PPFIA2: variants seen among roughly 807,000 people sequenced by gnomAD.
PPFIA2 encodes the protein PPFI scaffold protein A2, also known as liprin-alpha-2.
PPFIA2 carries 46 observed loss-of-function variants against 175.5 expected under a neutral mutation model. The ratio of observed to expected loss-of-function variants is 0.26; its 90% CI spans 0.21 to 0.34. The LOEUF is 0.34. Among genes scored for constraint, PPFIA2 ranks in the 10% least tolerant of loss-of-function variants. The pLI, the probability that PPFIA2 is intolerant of heterozygous loss-of-function variation, is 1.00. For synonymous variants in PPFIA2, 568 were observed against 511.4 expected (o/e 1.11, Z -1.49); for missense variants, 1,179 against 1,506.1 (o/e 0.78, Z 3.60).
intron 17 of PPFIA2, among the ~76,000 whole-genome samples, chr12:81,348,214 C>T (rs542320391): frequency 2.0e-5 from 3 of 151,994 alleles, no homozygotes; most frequent in African/African-American, 7.2e-5. Flanking sequence ...TGTAAATATC[C>T]CTCTTAAGAT....
At chr12:81,288,882 C>A (rs550869306) in intron 24 of PPFIA2, among the ~76,000 whole-genome samples, 1 of 151,726 alleles carries the variant, frequency 6.6e-6, no homozygotes, top group South Asian at 2.1e-4. Context: ...TTATACCACA[C>A]CCTCTTTTCA....
intron 14 of PPFIA2, among the ~76,000 whole-genome samples, chr12:81,365,472 G>GTTATCAAAAACCCAACCCACAAA (rs2032893325): frequency 6.6e-6 from 1 of 151,706 alleles, no homozygotes; most frequent in Non-Finnish European, 1.5e-5. Flanking sequence ...GGTAGGTGGT[G>GTTATCAAAAACCCAACCCACAAA]GGGGAGTGGG....
chr12:81,358,316 C>T, intron 15 of PPFIA2, 99 bp from the exon 16 acceptor site: 1 of 1,171,294 alleles, frequency 8.5e-7, no homozygotes, highest in Non-Finnish European at 1.2e-6. Flanking sequence ...CAGAAATCCT[C>T]AAGGAAATAA....
At chr12:81,360,069 C>T (rs1003592157) in intron 15 of PPFIA2, among the ~76,000 whole-genome samples, 8 of 151,812 alleles carry the variant, frequency 5.3e-5, no homozygotes, top group African/African-American at 1.9e-4. Flanking sequence ...ATGTGGTTAA[C>T]AGTTTTAAGG....
At chr12:81,286,097 T>C (rs2043286686) in intron 24 of PPFIA2, among the ~76,000 whole-genome samples, 1 of 151,894 alleles carries the variant, frequency 6.6e-6, no homozygotes, top group African/African-American at 2.4e-5. Context: ...GGGGAAAAAA[T>C]AATGAAATAG....
intron 31 of PPFIA2, among the ~76,000 whole-genome samples, chr12:81,262,939 A>T (rs1337199337): frequency 2.0e-5 from 3 of 152,260 alleles, no homozygotes; most frequent in Non-Finnish European, 4.4e-5. Flanking sequence ...TGGGAATAGA[A>T]GACTAAAGAA....
chr12:81,286,400 T>C (rs747601401), intron 24 of PPFIA2, among the ~76,000 whole-genome samples: 2 of 152,030 alleles, frequency 1.3e-5, no homozygotes, highest in Non-Finnish European at 2.9e-5. Context: ...ACGTGTACCA[T>C]TTTTTATCTT....
At chr12:81,361,511 T>C (rs2030313705) in intron 15 of PPFIA2, among the ~76,000 whole-genome samples, 1 of 151,674 alleles carries the variant, frequency 6.6e-6, no homozygotes, top group African/African-American at 2.4e-5. Flanking sequence ...CCGAACTTTT[T>C]CTCATATTCA....
intron 4 of PPFIA2, among the ~76,000 whole-genome samples, chr12:81,628,532 A>G (rs577078554): frequency 1.6e-4 from 24 of 152,044 alleles, no homozygotes; most frequent in African/African-American, 5.3e-4. Flanking sequence ...ATGCACCACC[A>G]TGTCTGGCTG....
At chr12:81,312,250 T>G in intron 22 of PPFIA2, 1 of 1,305,848 alleles carries the variant, frequency 7.7e-7, no homozygotes, top group Non-Finnish European at 1.1e-6. Flanking sequence ...AAGAAAACCA[T>G]GGAATAAAAC....
chr12:81,326,455 G>A (rs1176834565), intron 21 of PPFIA2, among the ~76,000 whole-genome samples: 3 of 151,976 alleles, frequency 2.0e-5, no homozygotes, highest in Non-Finnish European at 4.4e-5. Context: ...TCCAGAACTC[G>A]ATGTGTTCTG....
At chr12:81,479,839 T>C (rs1420022699) in intron 4 of PPFIA2, among the ~76,000 whole-genome samples, 3 of 152,154 alleles carry the variant, frequency 2.0e-5, no homozygotes, top group African/African-American at 7.2e-5. Context: ...GCCCTTAACA[T>C]TTTTTCTTTC....
At chr12:81,431,021 T>C (rs779874941) in intron 7 of PPFIA2, 1 of 152,122 alleles carries the variant, frequency 6.6e-6, no homozygotes, top group Non-Finnish European at 1.5e-5. Context: ...TAATTGAAAA[T>C]TGGTAAATTC....
intron 4 of PPFIA2, chr12:81,546,123 C>CAAAAAAAAAAAAAAAA (rs11432193): frequency 1.5e-5 from 1 of 65,802 alleles, no homozygotes; most frequent in African/African-American, 5.6e-5. Context: ...GACTGTGTCT[C>CAAAAAAAAAAAAAAAA]AAAAAAAAAA....
chr12:81,535,623 C>T, intron 4 of PPFIA2: 1 of 361,818 alleles, frequency 2.8e-6, no homozygotes, highest in Non-Finnish European at 5.4e-6. Flanking sequence ...ACAGAACCAC[C>T]CCACAGCAAA....
intron 4 of PPFIA2, among the ~76,000 whole-genome samples, chr12:81,657,548 G>A (rs1032427563): frequency 2.0e-5 from 3 of 152,058 alleles, no homozygotes; most frequent in Non-Finnish European, 2.9e-5. Context: ...GATTGAACAG[G>A]CTATTAGGCT....
chr12:81,358,149 T>C lies in PPFIA2; in HGVS notation c.1706A>G (p.Tyr569Cys). 1 of 1,600,704 alleles carries C rather than the reference T, an allele frequency of 6.2e-7. No homozygotes were observed. The highest frequency in any genetic ancestry group is 2.3e-5 in the East Asian group (1 of 44,296). ...TCTTCTTATTACTTTAGTTGTTCTG[T>C]AATCAGACTGGCTGTCCACTAGGGA... ...VGSLVDSQSD[Y>C]RTTKVIRRPR... The change falls in exon 16 of 33, where the codon TAC (tyrosine) becomes TGC (cysteine). Residue 569 changes from tyrosine (Y) to cysteine (C), a missense_variant. Transcript: ENST00000549396.
In PPFIA2 at chr12:81,374,140, T is replaced by C. The variant is rs548661481; in HGVS notation, c.1266+494A>G. On this transcript the variant is annotated intron_variant, in intron 11 of 32. Transcript: ENST00000549396. Reference sequence around the variant, plus strand: ...ATTGATTTTAATTTTCAGATGAAATTACAACTATAAAACTGCTTTCTGATT... The same window carrying C: ...ATTGATTTTAATTTTCAGATGAAATCACAACTATAAAACTGCTTTCTGATT... 9.9e-5 allele frequency among the ~76,000 whole-genome samples: 15 copies of C among 152,202 alleles called. No homozygotes were observed. The East Asian group carries it at 2.9e-3, about 29-fold the overall frequency.
At chr12:81,301,970 A>T (rs1334456646) in intron 22 of PPFIA2, among the ~76,000 whole-genome samples, 1 of 152,158 alleles carries the variant, frequency 6.6e-6, no homozygotes, top group East Asian at 1.9e-4. Flanking sequence ...TGCCAATAAA[A>T]TGTAAGCTCA....
Sources: allele counts gnomAD v4.1 joint callset (sites outside exome capture counted in the v4.1 genomes callset), GRCh38; gene constraint gnomAD v4.1.1; transcripts MANE v1.5; gene names NCBI Gene and HGNC (gene_info 2026-07-23, HGNC 2026-07-21).